Variants in PLCL1 observed in about 807,000 individuals in gnomAD.
PLCL1 encodes inactive phospholipase C-like protein 1.
PLCL1 carries 41 observed loss-of-function variants against 84.4 expected under a neutral mutation model. The observed-to-expected ratio is 0.49, with a 90% CI of 0.38 to 0.63. PLCL1 has a LOEUF of 0.63. Ranked by LOEUF, PLCL1 falls within the 30% of genes least tolerant of loss-of-function variation. The pLI is 0.00. For synonymous variants in PLCL1, 490 were observed against 488.3 expected (o/e 1.00, Z -0.05); for missense variants, 1,206 against 1,367.8 (o/e 0.88, Z 1.87).
intron 5 of PLCL1, among the ~76,000 whole-genome samples, chr2:198,135,696 T>C (rs191641391): frequency 6.6e-6 from 1 of 152,324 alleles, no homozygotes; most frequent in Admixed American, 6.5e-5. Context: ...AGCAGACAGA[T>C]GGCTTCTTAA....
rs112136628 is a variant in PLCL1 at position 197,814,361 on chromosome 2, T to G, written c.240+9022T>G. Among the ~76,000 whole-genome samples the G allele has an allele frequency of 8.6e-3, 1,304 of 152,286 alleles. 23 individuals carry two copies. The highest frequency in any genetic ancestry group is 0.03 in the African/African-American group (1,238 of 41,546). ...GTGATCTGTGATCAGTAATCTTTGA[T>G]GTTACTATTGTAATTGTTTTGGAGT... On this transcript the variant is annotated intron_variant, in intron 1 of 5. Coordinates refer to ENST00000428675, the MANE Select transcript of PLCL1 (RefSeq NM_006226.4).
intron 1 of PLCL1, among the ~76,000 whole-genome samples, chr2:198,048,618 A>G (rs1261024979): frequency 6.6e-6 from 1 of 152,172 alleles, no homozygotes; most frequent in African/African-American, 2.4e-5. Flanking sequence ...AGAAGGAGAG[A>G]GAGTGGGGAG....
chr2:197,833,002 G>A (rs1474741137), intron 1 of PLCL1, among the ~76,000 whole-genome samples: 7 of 152,208 alleles, frequency 4.6e-5, no homozygotes, highest in African/African-American at 1.7e-4. Flanking sequence ...GGCCAAGGCC[G>A]GCAGATCATG....
chr2:198,101,690 A>C (rs1208521729), intron 4 of PLCL1, among the ~76,000 whole-genome samples: 1 of 152,088 alleles, frequency 6.6e-6, no homozygotes, highest in Non-Finnish European at 1.5e-5. Context: ...GGTTCCATAC[A>C]GTCCCTTAAA....
At chr2:197,923,575 AC>A (rs1324327285) in intron 1 of PLCL1, among the ~76,000 whole-genome samples, 1 of 137,460 alleles carries the variant, frequency 7.3e-6, no homozygotes, top group Non-Finnish European at 1.6e-5. Context: ...CCGGGCAGAG[AC>A]GCTCCTCACT....
intron 1 of PLCL1, among the ~76,000 whole-genome samples, chr2:197,977,319 T>C (rs983439317): frequency 6.6e-6 from 1 of 151,662 alleles, no homozygotes; most frequent in Non-Finnish European, 1.5e-5. Context: ...TTAGGACAGC[T>C]TCAGTCTCTA....
At chr2:197,818,937 G>A (rs1690747832) in intron 1 of PLCL1, among the ~76,000 whole-genome samples, 1 of 152,106 alleles carries the variant, frequency 6.6e-6, no homozygotes, top group South Asian at 2.1e-4. Flanking sequence ...TGGGACAGGG[G>A]CTGGTGAGGG....
intron 1 of PLCL1, among the ~76,000 whole-genome samples, chr2:197,902,060 G>T (rs1007364607): frequency 5.3e-5 from 8 of 152,106 alleles, no homozygotes; most frequent in Non-Finnish European, 1.0e-4. Flanking sequence ...GAAAAAAGGA[G>T]ATTTGTTGCT....
intron 1 of PLCL1, among the ~76,000 whole-genome samples, chr2:198,052,669 A>G (rs947941057): frequency 2.6e-5 from 4 of 152,216 alleles, no homozygotes; most frequent in East Asian, 3.8e-4. Flanking sequence ...GCAATGAGTA[A>G]AAATAAGGAA....
chr2:197,854,229 A>G (rs1019724174), intron 1 of PLCL1, among the ~76,000 whole-genome samples: 16 of 152,188 alleles, frequency 1.1e-4, no homozygotes, highest in Non-Finnish European at 2.2e-4. Context: ...CTGAATTGAA[A>G]TGGGGCTGGA....
intron 1 of PLCL1, among the ~76,000 whole-genome samples, chr2:197,927,841 T>A (rs572900148): frequency 1.5e-4 from 23 of 152,296 alleles, no homozygotes; most frequent in African/African-American, 5.5e-4. Flanking sequence ...TTCTCAGGAA[T>A]AACCCAAACA....
intron 1 of PLCL1, among the ~76,000 whole-genome samples, chr2:197,926,099 G>A (rs2105761263): frequency 6.6e-6 from 1 of 152,168 alleles, no homozygotes; most frequent in East Asian, 1.9e-4. Flanking sequence ...TAAATTTCTT[G>A]TTCACAGCAT....
chr2:198,047,780 A>G (rs1230891140), intron 1 of PLCL1, among the ~76,000 whole-genome samples: 2 of 152,182 alleles, frequency 1.3e-5, no homozygotes, highest in Non-Finnish European at 2.9e-5. Context: ...TATCATTTAC[A>G]TTTGGTTTTG....
chr2:197,925,556 G>A (rs1688815807), intron 1 of PLCL1, among the ~76,000 whole-genome samples: 1 of 152,188 alleles, frequency 6.6e-6, no homozygotes, highest in African/African-American at 2.4e-5. Flanking sequence ...AGACTAATTT[G>A]TTGGAGCCAC....
intron 1 of PLCL1, among the ~76,000 whole-genome samples, chr2:198,000,439 C>T (rs1265726724): frequency 6.6e-6 from 1 of 152,132 alleles, no homozygotes; most frequent in Non-Finnish European, 1.5e-5. Context: ...GAATGAGACT[C>T]AATTTAACAC....
At chr2:198,044,801 A>G (rs145272977) in intron 1 of PLCL1, among the ~76,000 whole-genome samples, 1 of 152,240 alleles carries the variant, frequency 6.6e-6, no homozygotes, top group East Asian at 1.9e-4. Flanking sequence ...GGGGCACTTT[A>G]TTTTTTAAAC....
intron 1 of PLCL1, among the ~76,000 whole-genome samples, chr2:197,906,390 C>T (rs1688382946): frequency 6.6e-6 from 1 of 150,530 alleles, no homozygotes; most frequent in Non-Finnish European, 1.5e-5. Context: ...GGTGTTATTT[C>T]TGAGTTCTCT....
intron 1 of PLCL1, among the ~76,000 whole-genome samples, chr2:198,000,907 A>G (rs1690584919): frequency 1.3e-5 from 2 of 152,246 alleles, no homozygotes; most frequent in African/African-American, 4.8e-5. Flanking sequence ...ATATATGTGT[A>G]TGTATCCTGT....
At chr2:197,922,087 A>G (rs1417293711) in intron 1 of PLCL1, among the ~76,000 whole-genome samples, 1 of 125,476 alleles carries the variant, frequency 8.0e-6, no homozygotes. Flanking sequence ...TCATGGGACA[A>G]TAGTGGAGGG....
Sources: allele counts gnomAD v4.1 joint callset (sites outside exome capture counted in the v4.1 genomes callset), GRCh38; gene constraint gnomAD v4.1.1; transcripts MANE v1.5; gene names NCBI Gene and HGNC (gene_info 2026-07-23, HGNC 2026-07-21).